TDRD9: variants seen among roughly 807,000 people sequenced by gnomAD.
The protein encoded by TDRD9 is ATP-dependent RNA helicase TDRD9.
TDRD9 carries 124 observed loss-of-function variants against 172.6 expected under a neutral mutation model. The observed-to-expected ratio is 0.72, with a 90% confidence interval of 0.62 to 0.83. The LOEUF is 0.83. TDRD9 is among the 40% of genes least tolerant of loss of function. TDRD9 has a pLI of 0.00. For missense variants in TDRD9, 1,479 were observed against 1,714.1 expected, an observed-to-expected ratio of 0.86 and a Z score of 2.42; for synonymous variants, 619 against 617.1, an observed-to-expected ratio of 1.00 and a Z score of -0.05.
intron 28 of TDRD9, among the ~76,000 whole-genome samples, chr14:104,027,533 G>A (rs1251660781): frequency 6.6e-6 from 1 of 152,028 alleles, no homozygotes; most frequent in Non-Finnish European, 1.5e-5. Flanking sequence ...TATTTTTCAC[G>A]ATTTAAAGGT....
intron 33 of TDRD9, among the ~76,000 whole-genome samples, 152 bp downstream of exon 33, chr14:104,040,486 A>G (rs1202751092): frequency 6.6e-6 from 1 of 151,930 alleles, no homozygotes; most frequent in Non-Finnish European, 1.5e-5. Flanking sequence ...TCCTGGAGTC[A>G]CCCTCCAGGA....
intron 9 of TDRD9, among the ~76,000 whole-genome samples, chr14:103,991,557 T>C (rs1477661674): frequency 1.3e-5 from 2 of 149,646 alleles, no homozygotes; most frequent in African/African-American, 4.9e-5. Context: ...GGACTACAGG[T>C]GCACGCCACC....
intron 8 of TDRD9, among the ~76,000 whole-genome samples, chr14:103,990,579 G>A (rs1255012563): frequency 6.6e-6 from 1 of 152,122 alleles, no homozygotes; most frequent in Non-Finnish European, 1.5e-5. Flanking sequence ...TGCCTTGTCT[G>A]TTTTCTTGTT....
intron 32 of TDRD9, among the ~76,000 whole-genome samples, chr14:104,036,520 C>G (rs2152258850): frequency 6.6e-6 from 1 of 152,276 alleles, no homozygotes; most frequent in Middle Eastern, 3.4e-3. Context: ...AGAAGCAGGT[C>G]CCTTCCTCTC....
intron 32 of TDRD9, among the ~76,000 whole-genome samples, chr14:104,036,226 A>G (rs1331379435): frequency 6.6e-6 from 1 of 152,184 alleles, no homozygotes; most frequent in African/African-American, 2.4e-5. Context: ...TAATTGTATC[A>G]TATATCACTG....
chr14:103,949,838 C>T (rs559244359), intron 1 of TDRD9, among the ~76,000 whole-genome samples: 1 of 151,980 alleles, frequency 6.6e-6, no homozygotes, highest in Non-Finnish European at 1.5e-5. Flanking sequence ...CGCCCCACCA[C>T]TGCACCTGGC....
intron 2 of TDRD9, among the ~76,000 whole-genome samples, chr14:103,960,488 A>G (rs948108927): frequency 1.3e-5 from 2 of 152,234 alleles, no homozygotes; most frequent in African/African-American, 4.8e-5. Context: ...GCTGGTCCTC[A>G]TGCCGTTTTT....
chr14:104,004,592 C>A (rs1363541888), intron 14 of TDRD9, among the ~76,000 whole-genome samples: 1 of 152,124 alleles, frequency 6.6e-6, no homozygotes, highest in African/African-American at 2.4e-5. Context: ...GTTGGCCAGA[C>A]TGATCTCGAA....
In TDRD9 at chr14:103,997,064, C is replaced by T. The variant is rs980348617; in HGVS notation, c.1378+1257C>T. Among the ~76,000 whole-genome samples the T allele has an allele frequency of 3.9e-5, 6 of 152,162 alleles. No individual in the cohort carries two copies. Among genetic ancestry groups the T allele is most frequent in the African/African-American group, 1.2e-4 (5 of 41,426 alleles). On this transcript the variant is annotated intron_variant, in intron 12 of 35. Coordinates refer to ENST00000409874, the MANE Select transcript of TDRD9 (RefSeq NM_153046.3). This position sits in a 1 kb window ranked among gnomAD's most constrained non-coding sequence, Gnocchi z 5.1. ...AGAGAGGCCTGGGGGTAGCAGGGGC[C>T]ATGCAGGGCCCATAGGACCTGGTAC...
At chr14:104,045,197 G>A (rs1317646557) in intron 34 of TDRD9, among the ~76,000 whole-genome samples, 3 of 151,840 alleles carry the variant, frequency 2.0e-5, no homozygotes, top group South Asian at 4.2e-4. Context: ...GCTGTACAAT[G>A]TTACATTTCT....
Position 104,018,209 on chromosome 14 carries a change from A to C in TDRD9, c.2432+17A>C, listed in dbSNP as rs376022439. 151 of 1,391,496 alleles carry C rather than the reference A, an allele frequency of 1.1e-4. No individual in the cohort carries two copies. The highest frequency in any genetic ancestry group is 1.5e-4 in the Non-Finnish European group (149 of 993,002). 86.2% of individuals were successfully genotyped at this position (1,391,496 alleles called of 1,614,324 possible). ...TGGTGCAAAGTAAGTATATTTTTGT[A>C]ATCAACTGCAATTATGAAGGAGGCA... On this transcript the variant is annotated intron_variant, in intron 23 of 35. Transcript: ENST00000409874.
chr14:103,983,133 A>G (rs1215567043), intron 7 of TDRD9, among the ~76,000 whole-genome samples: 1 of 135,046 alleles, frequency 7.4e-6, no homozygotes, highest in Non-Finnish European at 1.5e-5. Context: ...GCGCGATCTC[A>G]GCTCATTGTA....
At chr14:103,938,438 A>ATTTTTTTTTTTTTTTT (rs1354196439) in intron 1 of TDRD9, among the ~76,000 whole-genome samples, 1 of 41,760 alleles carries the variant, frequency 2.4e-5, no homozygotes, top group Non-Finnish European at 4.1e-5. Flanking sequence ...ATATATATAT[A>ATTTTTTTTTTTTTTTT]TATTTTTTTT....
At chr14:103,981,067 A>G (rs1305736227) in intron 7 of TDRD9, among the ~76,000 whole-genome samples, 1 of 152,142 alleles carries the variant, frequency 6.6e-6, no homozygotes, top group African/African-American at 2.4e-5. Context: ...TATATATTTT[A>G]TTATACTGGA....
intron 1 of TDRD9, among the ~76,000 whole-genome samples, chr14:103,930,251 A>G (rs551220883): frequency 2.0e-5 from 3 of 151,856 alleles, no homozygotes; most frequent in Admixed American, 1.3e-4. Context: ...CAGTGGCGCA[A>G]TGTTGGCTCA....
chr14:103,994,375 G>C lies in TDRD9; in HGVS notation c.1224G>C (p.Leu408=). Residue 408 remains leucine (L), a synonymous_variant, in exon 10 of 36, where the codon CTG becomes CTC. Transcript: ENST00000409874. ...INYMHELLTS[L]VHKRLQVYPL... is the part of the protein sequence containing the mutation. ...ATATGCATGAACTTCTCACAAGCCT[G>C]GTTCATAAAAGGTATGTTGAAAATG... The C allele has an allele frequency of 6.2e-7, 1 of 1,613,578 alleles. No homozygotes were observed. Among genetic ancestry groups the C allele is most frequent in the Non-Finnish European group, 8.5e-7 (1 of 1,179,674 alleles).
intron 7 of TDRD9, among the ~76,000 whole-genome samples, chr14:103,981,898 T>C (rs912940805): frequency 1.3e-5 from 2 of 152,206 alleles, no homozygotes; most frequent in African/African-American, 4.8e-5. Context: ...AAAATGGTGT[T>C]GTTTTGTATA....
intron 7 of TDRD9, among the ~76,000 whole-genome samples, chr14:103,977,969 G>A (rs956127503): frequency 2.6e-5 from 4 of 152,142 alleles, no homozygotes; most frequent in Non-Finnish European, 4.4e-5. Flanking sequence ...TTAAAAATCA[G>A]TTGGCTGTAA....
At chr14:103,948,081 A>G (rs1308119026) in intron 1 of TDRD9, among the ~76,000 whole-genome samples, 1 of 152,176 alleles carries the variant, frequency 6.6e-6, no homozygotes, top group East Asian at 1.9e-4. Context: ...TGGTGCAATC[A>G]TAGCTCACTG....
Sources: allele counts gnomAD v4.1 joint callset (sites outside exome capture counted in the v4.1 genomes callset), GRCh38; gene constraint gnomAD v4.1.1; non-coding constraint Gnocchi (gnomAD v3.1); transcripts MANE v1.5; gene names NCBI Gene and HGNC (gene_info 2026-07-23, HGNC 2026-07-21).